Variants in SPMIP7 observed in about 807,000 individuals in gnomAD.
SPMIP7 encodes the protein sperm microtubule inner protein 7.
chr7:50,134,676 T>C, the SPMIP7 span, among the ~76,000 whole-genome samples: 2 of 152,180 alleles, frequency 1.3e-5, no homozygotes, highest in Non-Finnish European at 2.9e-5. Flanking sequence ...AAAGAGAAGA[T>C]CCATAGATTG....
chr7:50,116,713 CT>C, the SPMIP7 span, among the ~76,000 whole-genome samples: 1 of 152,086 alleles, frequency 6.6e-6, no homozygotes, highest in Admixed American at 6.5e-5. Context: ...AATATTCTAA[CT>C]ATATTTTTGT....
the SPMIP7 span, among the ~76,000 whole-genome samples, chr7:50,149,907 C>T: frequency 7.9e-5 from 12 of 152,046 alleles, no homozygotes; most frequent in Non-Finnish European, 1.0e-4. Context: ...CAAGTCCTTC[C>T]GGTTGGTATC....
chr7:50,127,634 T>TATATATATAC, the SPMIP7 span, among the ~76,000 whole-genome samples: 2 of 149,148 alleles, frequency 1.3e-5, no homozygotes, highest in African/African-American at 4.9e-5. Context: ...TATATATATA[T>TATATATATAC]ACTGATTAAA....
At chr7:50,110,111 C>T in the SPMIP7 span, among the ~76,000 whole-genome samples, 1 of 151,752 alleles carries the variant, frequency 6.6e-6, no homozygotes, top group African/African-American at 2.4e-5. Flanking sequence ...ATAAATAAAG[C>T]TTGTATTTAA....
At chr7:50,125,405 T>TACACAC in the SPMIP7 span, among the ~76,000 whole-genome samples, 1 of 147,562 alleles carries the variant, frequency 6.8e-6, no homozygotes, top group African/African-American at 2.5e-5. Flanking sequence ...TATACATATA[T>TACACAC]ATATAAAGAA....
chr7:50,103,085 A>G, the SPMIP7 span, among the ~76,000 whole-genome samples: 1 of 149,176 alleles, frequency 6.7e-6, no homozygotes, highest in Non-Finnish European at 1.5e-5. Context: ...AATATTAGAT[A>G]GGTGGCATCT....
chr7:50,158,441 C>T, the SPMIP7 span, among the ~76,000 whole-genome samples: 4 of 150,318 alleles, frequency 2.7e-5, no homozygotes, highest in Non-Finnish European at 5.9e-5. Flanking sequence ...CTGGGTGAGG[C>T]CCGGGCCCCT....
chr7:50,153,886 C>G, the SPMIP7 span, among the ~76,000 whole-genome samples: 2 of 152,180 alleles, frequency 1.3e-5, no homozygotes, highest in Non-Finnish European at 2.9e-5. Context: ...TCTAAGCATC[C>G]CACAAGCCCT....
chr7:50,153,791 C>A, the SPMIP7 span, among the ~76,000 whole-genome samples: 1 of 152,138 alleles, frequency 6.6e-6, no homozygotes, highest in African/African-American at 2.4e-5. Context: ...GGGCAGCAAG[C>A]ATTCCTCATG....
At chr7:50,129,689 CTT>C in the SPMIP7 span, 11 of 1,452,916 alleles carry the variant, frequency 7.6e-6, no homozygotes, top group Non-Finnish European at 1.0e-5. Flanking sequence ...TATTTGGTCT[CTT>C]TTAACTTATT....
the SPMIP7 span, among the ~76,000 whole-genome samples, chr7:50,141,033 A>G: frequency 2.9e-4 from 44 of 152,362 alleles, no homozygotes; most frequent in Middle Eastern, 3.4e-3. Context: ...AACACAAAAC[A>G]GCCCTTACTG....
At chr7:50,130,514 A>G in the SPMIP7 span, among the ~76,000 whole-genome samples, 1 of 152,088 alleles carries the variant, frequency 6.6e-6, no homozygotes, top group Non-Finnish European at 1.5e-5. Flanking sequence ...GATTATTACA[A>G]TTCAAGGTCA....
chr7:50,109,935 C>G, the SPMIP7 span, among the ~76,000 whole-genome samples: 1 of 151,980 alleles, frequency 6.6e-6, no homozygotes, highest in South Asian at 2.1e-4. Context: ...AACACTATTA[C>G]TTTCATAAAA....
chr7:50,140,156 A>G, the SPMIP7 span: 7 of 1,506,806 alleles, frequency 4.6e-6, no homozygotes, highest in Admixed American at 7.4e-5. Flanking sequence ...TTCAAGTTCT[A>G]GAAGTAAATA....
chr7:50,111,800 C>A, the SPMIP7 span, among the ~76,000 whole-genome samples: 1 of 152,034 alleles, frequency 6.6e-6, no homozygotes. Flanking sequence ...GAGAGACCAC[C>A]ATTAAATTAA....
the SPMIP7 span, among the ~76,000 whole-genome samples, chr7:50,112,118 G>T: frequency 3.1e-4 from 47 of 152,054 alleles, 2 homozygotes; most frequent in South Asian, 9.8e-3. Flanking sequence ...ATTAAATGGT[G>T]CAAAGGAAAA....
At chr7:50,130,001 A>G in the SPMIP7 span, among the ~76,000 whole-genome samples, 1 of 152,238 alleles carries the variant, frequency 6.6e-6, no homozygotes, top group South Asian at 2.1e-4. Context: ...TAAAACCATA[A>G]CAGAAAGTAA....
chr7:50,137,199 T>TA, the SPMIP7 span, among the ~76,000 whole-genome samples: 4 of 152,140 alleles, frequency 2.6e-5, no homozygotes, highest in African/African-American at 9.7e-5. Flanking sequence ...TATGAGGAAG[T>TA]AATACTAATA....
At chr7:50,104,239 G>T in the SPMIP7 span, 1 of 628,414 alleles carries the variant, frequency 1.6e-6, no homozygotes, top group Non-Finnish European at 2.7e-6. Flanking sequence ...GCTTCTAATA[G>T]TAAATATTTC....
Sources: allele counts gnomAD v4.1 joint callset (sites outside exome capture counted in the v4.1 genomes callset), GRCh38; gene constraint gnomAD v4.1.1; transcripts MANE v1.5; gene names NCBI Gene and HGNC (gene_info 2026-07-23, HGNC 2026-07-21).